The following CCBE1 variants were observed in gnomAD, a reference collection of about 807,000 sequenced individuals.
CCBE1 encodes collagen and calcium-binding EGF domain-containing protein 1.
CCBE1 carries 37 observed loss-of-function variants against 50.0 expected under a neutral mutation model. The ratio of observed to expected loss-of-function variants is 0.74; its 90% CI spans 0.57 to 0.97. The LOEUF is 0.97. Among genes scored for constraint, CCBE1 ranks in the 50% least tolerant of loss-of-function variants. The pLI, the probability that CCBE1 is intolerant of heterozygous loss-of-function variation, is 0.00. For missense variants in CCBE1, 538 were observed against 523.8 expected, an observed-to-expected ratio of 1.03 and a Z score of -0.26; for synonymous variants, 234 against 203.7, an observed-to-expected ratio of 1.15 and a Z score of -1.27.
intron 2 of CCBE1, among the ~76,000 whole-genome samples, chr18:59,656,277 T>C (rs2144676574): frequency 6.6e-6 from 1 of 152,340 alleles, no homozygotes; most frequent in South Asian, 2.1e-4. Context: ...AATTTTCTAG[T>C]ACTTAATGAA....
chr18:59,640,482 A>G (rs1025839213), intron 2 of CCBE1, among the ~76,000 whole-genome samples: 1 of 152,228 alleles, frequency 6.6e-6, no homozygotes, highest in African/African-American at 2.4e-5. Flanking sequence ...AAATCAACTC[A>G]AGATGGATTA....
intron 2 of CCBE1, among the ~76,000 whole-genome samples, chr18:59,555,451 G>A (rs543470772): frequency 1.9e-4 from 29 of 152,284 alleles, no homozygotes; most frequent in Non-Finnish European, 3.1e-4. Flanking sequence ...CAGGTCCAGT[G>A]TCATAATTCA....
intron 2 of CCBE1, among the ~76,000 whole-genome samples, chr18:59,606,598 C>T (rs1421776877): frequency 2.0e-5 from 3 of 152,120 alleles, no homozygotes; most frequent in Admixed American, 2.0e-4. Flanking sequence ...TCCACGGGGC[C>T]CCAGGGTGAC....
chr18:59,644,950 T>C (rs951416547), intron 2 of CCBE1, among the ~76,000 whole-genome samples: 1 of 152,188 alleles, frequency 6.6e-6, no homozygotes, highest in African/African-American at 2.4e-5. Context: ...GATGAAAAGT[T>C]ATACCCATCA....
intron 2 of CCBE1, among the ~76,000 whole-genome samples, chr18:59,511,302 T>C (rs1598965650): frequency 6.6e-6 from 1 of 152,226 alleles, no homozygotes; most frequent in East Asian, 1.9e-4. Context: ...ATGGCACTAA[T>C]TGATGGCATT....
intron 2 of CCBE1, among the ~76,000 whole-genome samples, chr18:59,632,987 T>C (rs1276380445): frequency 6.6e-6 from 1 of 152,160 alleles, no homozygotes; most frequent in Non-Finnish European, 1.5e-5. Flanking sequence ...AGGCATTCCC[T>C]TCTGAGACTA....
chr18:59,642,980 A>C (rs577173902), intron 2 of CCBE1, among the ~76,000 whole-genome samples: 4 of 151,262 alleles, frequency 2.6e-5, no homozygotes, highest in Non-Finnish European at 4.4e-5. Flanking sequence ...ATTACAATGA[A>C]GGATAAATGT....
chr18:59,446,398 A>C (rs962743161), intron 7 of CCBE1, among the ~76,000 whole-genome samples: 3 of 152,184 alleles, frequency 2.0e-5, no homozygotes, highest in African/African-American at 7.2e-5. Flanking sequence ...GCAGTTTATA[A>C]GGAGAGACCC....
intron 2 of CCBE1, among the ~76,000 whole-genome samples, chr18:59,615,168 C>T (rs1004722099): frequency 6.6e-6 from 1 of 152,218 alleles, no homozygotes. Flanking sequence ...TCCCTCTGTA[C>T]CTGTCTTCCA....
At chr18:59,455,644 A>C (rs1911155761) in intron 5 of CCBE1, among the ~76,000 whole-genome samples, 1 of 152,222 alleles carries the variant, frequency 6.6e-6, no homozygotes, top group Non-Finnish European at 1.5e-5. Context: ...TCTGGCCAAG[A>C]ATACAGACAG....
At chr18:59,583,631 G>A (rs2053120171) in intron 2 of CCBE1, among the ~76,000 whole-genome samples, 1 of 151,708 alleles carries the variant, frequency 6.6e-6, no homozygotes, top group African/African-American at 2.4e-5. Context: ...AGCAGCCTAA[G>A]GCCTTACCCT....
At chr18:59,572,219 A>G (rs1344839548) in intron 2 of CCBE1, among the ~76,000 whole-genome samples, 1 of 152,230 alleles carries the variant, frequency 6.6e-6, no homozygotes, top group African/African-American at 2.4e-5. Context: ...GCACTATCAA[A>G]TCAATCCCTC....
intron 2 of CCBE1, among the ~76,000 whole-genome samples, chr18:59,491,633 GC>G (rs1913101711): frequency 6.6e-6 from 1 of 152,048 alleles, no homozygotes; most frequent in African/African-American, 2.4e-5. Flanking sequence ...GGGCAACATG[GC>G]AAAATCCCAT....
chr18:59,692,492 CG>C (rs895670912), intron 2 of CCBE1, among the ~76,000 whole-genome samples: 2 of 152,082 alleles, frequency 1.3e-5, no homozygotes, highest in African/African-American at 4.8e-5. Context: ...CCCACTCCCC[CG>C]CCATGGGAAC....
chr18:59,482,229 T>C (rs1912605793), intron 2 of CCBE1, among the ~76,000 whole-genome samples: 1 of 152,248 alleles, frequency 6.6e-6, no homozygotes, highest in South Asian at 2.1e-4. Context: ...CATTCTTTTT[T>C]ATGGCTGCTT....
At chr18:59,515,536 G>A (rs770038707) in intron 2 of CCBE1, among the ~76,000 whole-genome samples, 1 of 152,138 alleles carries the variant, frequency 6.6e-6, no homozygotes, top group Non-Finnish European at 1.5e-5. Flanking sequence ...GATATTTTGA[G>A]TCTATCTTTG....
chr18:59,438,017 G>T, intron 10 of CCBE1, 94 bp downstream of exon 10: 1 of 1,219,042 alleles, frequency 8.2e-7, no homozygotes, highest in Non-Finnish European at 1.2e-6. Context: ...TCAGGAAGGG[G>T]CGGGCTTTTG....
At chr18:59,613,507 T>G (rs964702603) in intron 2 of CCBE1, among the ~76,000 whole-genome samples, 4 of 152,266 alleles carry the variant, frequency 2.6e-5, no homozygotes, top group African/African-American at 7.2e-5. Context: ...AAGGGAAACT[T>G]ACAAATTACA....
At chr18:59,541,316 C>T (rs925906946) in intron 2 of CCBE1, among the ~76,000 whole-genome samples, 3 of 152,156 alleles carry the variant, frequency 2.0e-5, no homozygotes, top group Non-Finnish European at 4.4e-5. Context: ...AAACTAAAAA[C>T]AAGGACAAAC....
Sources: allele counts gnomAD v4.1 joint callset (sites outside exome capture counted in the v4.1 genomes callset), GRCh38; gene constraint gnomAD v4.1.1; transcripts MANE v1.5; gene names NCBI Gene and HGNC (gene_info 2026-07-23, HGNC 2026-07-21).